SFI1: variants seen among roughly 807,000 people sequenced by gnomAD.
SFI1 encodes the protein protein SFI1 homolog.
In SFI1, 195 loss-of-function variants were observed where a neutral mutation model predicts 207.5. That is an observed-to-expected ratio of 0.94 (90% CI 0.84 to 1.06). SFI1 has a LOEUF of 1.06. Among genes scored for constraint, SFI1 ranks in the 50% least tolerant of loss-of-function variants. SFI1 has a pLI of 0.00. For synonymous variants in SFI1, 630 were observed against 598.9 expected, an observed-to-expected ratio of 1.05 and a Z score of -0.76; for missense variants, 1,634 against 1,588.0, an observed-to-expected ratio of 1.03 and a Z score of -0.49.
chr22:31,573,290 A>G, intron 9 of SFI1, 76 bp downstream of exon 9: 1 of 1,477,708 alleles, frequency 6.8e-7, no homozygotes. Context: ...GTGGTACTGT[A>G]CTAAGAAGTA....
intron 1 of SFI1, among the ~76,000 whole-genome samples, chr22:31,504,898 T>C (rs1026012202): frequency 6.6e-6 from 1 of 152,202 alleles, no homozygotes; most frequent in Non-Finnish European, 1.5e-5. Flanking sequence ...CCTACTCCCA[T>C]GTGACCTCAT....
intron 15 of SFI1, among the ~76,000 whole-genome samples, chr22:31,599,272 T>G (rs2146899998): frequency 6.6e-6 from 1 of 152,040 alleles, no homozygotes; most frequent in Middle Eastern, 3.4e-3. Context: ...GACGTAGGAG[T>G]CAAGGTTTAT....
intron 4 of SFI1, among the ~76,000 whole-genome samples, chr22:31,531,997 G>C (rs917103123): frequency 8.5e-5 from 13 of 152,232 alleles, no homozygotes; most frequent in Admixed American, 8.5e-4. Flanking sequence ...GGAGGCATAG[G>C]TGGTGGTGAG....
At chr22:31,592,836 G>C (rs1484637607) in intron 15 of SFI1, among the ~76,000 whole-genome samples, 9 of 134,232 alleles carry the variant, frequency 6.7e-5, no homozygotes, top group Admixed American at 1.4e-4. Context: ...TCCCGGACGG[G>C]GCGGCTGGCC....
chr22:31,589,328 T>A, intron 14 of SFI1, 119 bp from the exon 15 acceptor site: 1 of 1,008,334 alleles, frequency 9.9e-7, no homozygotes, highest in Non-Finnish European at 1.4e-6. Flanking sequence ...AAATAATGAT[T>A]CATCTTTTTC....
chr22:31,563,155 G>A (rs2061903969), intron 8 of SFI1, among the ~76,000 whole-genome samples: 1 of 151,874 alleles, frequency 6.6e-6, no homozygotes, highest in Non-Finnish European at 1.5e-5. Flanking sequence ...GCCACGCCTG[G>A]CTAATTTTTT....
Position 31,618,488 on chromosome 22 carries a change from C to CAGT in SFI1, c.*71_*73dup. ...TCAGGCCACCTCCAGGAACAGAACA[C>CAGT]AGTTTTAAGTTTGATTTTTTTTATT... On this transcript the variant is annotated 3_prime_UTR_variant, in exon 33 of 33. Transcript: ENST00000400288. 5.9e-6 allele frequency: 8 copies of CAGT among 1,365,868 alleles called. No homozygotes were observed. The highest frequency in any genetic ancestry group is 6.7e-6 in the Non-Finnish European group (7 of 1,040,092). 84.6% of individuals were successfully genotyped at this position (1,365,868 alleles called of 1,614,324 possible). A position where few individuals can be genotyped will look rare whatever the true frequency, so the allele number is the denominator to read the frequency against.
At chr22:31,570,600 A>G (rs532447725) in intron 8 of SFI1, among the ~76,000 whole-genome samples, 1 of 152,278 alleles carries the variant, frequency 6.6e-6, no homozygotes, top group Non-Finnish European at 1.5e-5. Flanking sequence ...GGCAGATGGT[A>G]TGTAAAGTTA....
rs1603361464 is a variant in SFI1 at position 31,613,459 on chromosome 22, A to C, written c.2671A>C (p.Thr891Pro). 6.2e-7 allele frequency: 1 copy of C among 1,605,508 alleles called. No homozygotes were observed. The highest frequency in any genetic ancestry group is 2.2e-5 in the East Asian group (1 of 44,834). Reference sequence around the variant, plus strand: ...GGGGCAGCTCCTCCAGGAGGGTGCCACGCGGCTCCTGCGCTTTGCAGCCAG... The same window carrying C: ...GGGGCAGCTCCTCCAGGAGGGTGCCCCGCGGCTCCTGCGCTTTGCAGCCAG... ...YQGQLLQEGATRLLRFAASMK... is the reference protein window; with the variant it reads ...YQGQLLQEGAPRLLRFAASMK... Residue 891 changes from threonine (T) to proline (P), a missense_variant, in exon 26 of 33, where the codon ACG (threonine) becomes CCG (proline). Transcript: ENST00000400288.
chr22:31,539,872 C>T (rs1055089059), intron 4 of SFI1, among the ~76,000 whole-genome samples: 14 of 151,954 alleles, frequency 9.2e-5, no homozygotes, highest in Admixed American at 3.3e-4. Context: ...TGCACCACCA[C>T]GCCTGGCTAC....
intron 22 of SFI1, among the ~76,000 whole-genome samples, chr22:31,610,622 T>C (rs2069927411): frequency 6.6e-6 from 1 of 152,252 alleles, no homozygotes; most frequent in South Asian, 2.1e-4. Context: ...GGCCCATTCC[T>C]GCAGAACCCA....
chr22:31,617,162 G>C, intron 31 of SFI1, 84 bp downstream of exon 31: 1 of 1,462,692 alleles, frequency 6.8e-7, no homozygotes, highest in Non-Finnish European at 9.4e-7. Context: ...CATTTCCCCC[G>C]AGCCAGCTGC....
intron 1 of SFI1, among the ~76,000 whole-genome samples, chr22:31,504,995 A>T (rs1016591932): frequency 6.6e-6 from 1 of 152,178 alleles, no homozygotes; most frequent in Non-Finnish European, 1.5e-5. Flanking sequence ...GATTTCAGCA[A>T]ATCTTTTTTG....
Position 31,613,699 on chromosome 22 carries a change from T to C in SFI1, c.2840T>C (p.Ile947Thr). The change falls in exon 27 of 33, where the codon ATC becomes ACC. Residue 947 changes from isoleucine (I) to threonine (T), a missense_variant. Physicochemically the swap from Ile to Thr is moderately conservative, Grantham distance 89 (BLOSUM62 -1). Coordinates refer to ENST00000400288, the MANE Select transcript of SFI1 (RefSeq NM_001007467.3). ...RGGKPQPLAA[I>T]APSRKVTFEG... is the part of the protein sequence containing the mutation. ...GGGAAGCCTCAGCCCCTGGCAGCCA[T>C]CGCACCCAGCAGGAAAGTGACGTTT... 1 of 1,612,346 alleles carries C rather than the reference T, an allele frequency of 6.2e-7. No homozygotes were observed.
At chr22:31,608,656 G>T (rs1276926363) in intron 22 of SFI1, among the ~76,000 whole-genome samples, 1 of 151,896 alleles carries the variant, frequency 6.6e-6, no homozygotes, top group East Asian at 1.9e-4. Flanking sequence ...ATAAAGAAAA[G>T]AAGCTGGAAT....
At chr22:31,533,302 C>T (rs1042644488) in intron 4 of SFI1, among the ~76,000 whole-genome samples, 37 of 152,168 alleles carry the variant, frequency 2.4e-4, no homozygotes, top group African/African-American at 8.2e-4. Flanking sequence ...CCAAGACAGG[C>T]GGATTACTTG....
At chr22:31,531,389 TG>T (rs2058506664) in intron 4 of SFI1, among the ~76,000 whole-genome samples, 1 of 152,138 alleles carries the variant, frequency 6.6e-6, no homozygotes, top group South Asian at 2.1e-4. Flanking sequence ...TGTTCAGTGG[TG>T]TGGCCTTTAG....
At chr22:31,597,639 C>T (rs2067349026) in intron 15 of SFI1, among the ~76,000 whole-genome samples, 1 of 152,156 alleles carries the variant, frequency 6.6e-6, no homozygotes. Context: ...AACCAAGGGC[C>T]TAGCATAAAA....
At chr22:31,504,313 T>A (rs965673842) in intron 1 of SFI1, among the ~76,000 whole-genome samples, 3 of 152,216 alleles carry the variant, frequency 2.0e-5, no homozygotes, top group Admixed American at 2.0e-4. Flanking sequence ...ATGACCTCTG[T>A]TACTTGGAGT....
Sources: allele counts gnomAD v4.1 joint callset (sites outside exome capture counted in the v4.1 genomes callset), GRCh38; gene constraint gnomAD v4.1.1; transcripts MANE v1.5; gene names NCBI Gene and HGNC (gene_info 2026-07-23, HGNC 2026-07-21).